The following ADAMTS17 variants were observed in gnomAD, a reference collection of about 807,000 sequenced individuals.
ADAMTS17 encodes A disintegrin and metalloproteinase with thrombospondin motifs 17.
A neutral mutation model predicts 141.5 loss-of-function variants in ADAMTS17; 113 were observed. That is an observed-to-expected ratio of 0.80 (90% CI 0.69 to 0.93). ADAMTS17 has a LOEUF of 0.93. Among genes scored for constraint, ADAMTS17 ranks in the 40% least tolerant of loss-of-function variants. The pLI is 0.00. For synonymous variants in ADAMTS17, 768 were observed against 630.6 expected, an observed-to-expected ratio of 1.22 and a Z score of -3.27; for missense variants, 1,659 against 1,517.9, an observed-to-expected ratio of 1.09 and a Z score of -1.54.
intron 7 of ADAMTS17, among the ~76,000 whole-genome samples, chr15:100,208,733 G>GAT (rs2041676067): frequency 6.7e-6 from 1 of 148,672 alleles, no homozygotes; most frequent in African/African-American, 2.5e-5. Context: ...ATAACAAAGG[G>GAT]ATACACACAT....
chr15:100,243,528 G>A (rs12443312), intron 7 of ADAMTS17, among the ~76,000 whole-genome samples: 59,603 of 152,062 alleles, frequency 0.39, 12,295 homozygotes, highest in South Asian at 0.49. Context: ...CATGGCTCAC[G>A]CCAGTAATCC....
chr15:100,086,479 C>T (rs1443528410), intron 15 of ADAMTS17, among the ~76,000 whole-genome samples: 1 of 152,068 alleles, frequency 6.6e-6, no homozygotes, highest in Non-Finnish European at 1.5e-5. Flanking sequence ...TTGAACTCAG[C>T]TCTGCACCAA....
intron 7 of ADAMTS17, among the ~76,000 whole-genome samples, chr15:100,235,566 C>T (rs754238417): frequency 2.6e-5 from 4 of 152,170 alleles, no homozygotes; most frequent in Non-Finnish European, 4.4e-5. Context: ...GGCATCACCT[C>T]AGAGATTCTG....
intron 5 of ADAMTS17, 116 bp from the exon 6 acceptor site, chr15:100,261,752 T>C: frequency 8.2e-7 from 1 of 1,216,884 alleles, no homozygotes; most frequent in Non-Finnish European, 1.2e-6. Flanking sequence ...CATCATTTGA[T>C]GACTCACGGC....
chr15:100,149,361 G>A (rs2141336025), intron 10 of ADAMTS17, among the ~76,000 whole-genome samples: 1 of 152,354 alleles, frequency 6.6e-6, no homozygotes, highest in East Asian at 1.9e-4. Flanking sequence ...CAGTATGTCA[G>A]TATGTTCAGT....
intron 4 of ADAMTS17, among the ~76,000 whole-genome samples, chr15:100,273,129 T>C (rs2043971027): frequency 6.6e-6 from 1 of 152,166 alleles, no homozygotes; most frequent in South Asian, 2.1e-4. Context: ...TCAATGAATA[T>C]TTGAACTATT....
chr15:100,187,801 C>G (rs994485576), intron 8 of ADAMTS17, among the ~76,000 whole-genome samples: 1 of 152,174 alleles, frequency 6.6e-6, no homozygotes, highest in Non-Finnish European at 1.5e-5. Flanking sequence ...AGCACAGTCG[C>G]TCACATCTCG....
chr15:100,135,645 C>T (rs550369053), intron 10 of ADAMTS17, among the ~76,000 whole-genome samples: 221 of 152,174 alleles, frequency 1.5e-3, no homozygotes, highest in Non-Finnish European at 2.4e-3. Flanking sequence ...ATTTGCAATA[C>T]ATAAGAGATT....
chr15:100,037,099 TAACTC>T (rs2030798679), intron 18 of ADAMTS17, among the ~76,000 whole-genome samples: 2 of 152,226 alleles, frequency 1.3e-5, no homozygotes, highest in African/African-American at 4.8e-5. Context: ...ATTTGAATAA[TAACTC>T]AAGCAGAACT....
chr15:100,266,453 C>T (rs1402564067), intron 4 of ADAMTS17, among the ~76,000 whole-genome samples: 6 of 152,188 alleles, frequency 3.9e-5, no homozygotes, highest in Admixed American at 3.9e-4. Flanking sequence ...ACTCCATTCC[C>T]CCAGGTAAGG....
intron 18 of ADAMTS17, among the ~76,000 whole-genome samples, chr15:100,010,139 T>C (rs1761603966): frequency 6.6e-6 from 1 of 152,238 alleles, no homozygotes; most frequent in Admixed American, 6.5e-5. Flanking sequence ...TGTTCTCTTT[T>C]GGCTTCTGCC....
intron 3 of ADAMTS17, among the ~76,000 whole-genome samples, chr15:100,299,083 C>G (rs142652453): frequency 1.3e-5 from 2 of 152,080 alleles, no homozygotes; most frequent in African/African-American, 4.8e-5. Context: ...ATTAGGGGAC[C>G]CACCTTCATC....
chr15:100,113,869 C>T (rs762251632), intron 13 of ADAMTS17, among the ~76,000 whole-genome samples: 2 of 152,230 alleles, frequency 1.3e-5, no homozygotes, highest in African/African-American at 2.4e-5. Context: ...CGCACAGCCA[C>T]GTCCAGACGC....
At chr15:100,312,352 G>A (rs2045432906) in intron 3 of ADAMTS17, among the ~76,000 whole-genome samples, 1 of 152,188 alleles carries the variant, frequency 6.6e-6, no homozygotes, top group Non-Finnish European at 1.5e-5. Context: ...GCCAAGGAAT[G>A]CAGGCAGCCT....
At chr15:100,017,888 G>C (rs151145668) in intron 18 of ADAMTS17, among the ~76,000 whole-genome samples, 1 of 152,264 alleles carries the variant, frequency 6.6e-6, no homozygotes, top group African/African-American at 2.4e-5. Context: ...ATTTCATTAT[G>C]TGTGTTTTTT....
At chr15:100,083,700 G>C (rs2034898722) in intron 15 of ADAMTS17, among the ~76,000 whole-genome samples, 1 of 150,776 alleles carries the variant, frequency 6.6e-6, no homozygotes, top group Admixed American at 6.6e-5. Context: ...TTTGAGGGCA[G>C]TTGGTGCCTT....
chr15:100,125,349 C>G (rs2037675813), intron 12 of ADAMTS17, among the ~76,000 whole-genome samples: 1 of 152,230 alleles, frequency 6.6e-6, no homozygotes, highest in Admixed American at 6.5e-5. Flanking sequence ...AGATCGCTGG[C>G]ACATGGAAAG....
At chr15:100,027,629 T>C (rs1289745124) in intron 18 of ADAMTS17, among the ~76,000 whole-genome samples, 1 of 152,264 alleles carries the variant, frequency 6.6e-6, no homozygotes, top group Non-Finnish European at 1.5e-5. Context: ...AGACAGAGAC[T>C]ATACAGCTTG....
At chr15:100,057,532 C>T (rs1446788066) in intron 15 of ADAMTS17, among the ~76,000 whole-genome samples, 1 of 152,158 alleles carries the variant, frequency 6.6e-6, no homozygotes, top group Non-Finnish European at 1.5e-5. Flanking sequence ...GAGCTGGGGC[C>T]CCAGGCTCGT....
Sources: allele counts gnomAD v4.1 joint callset (sites outside exome capture counted in the v4.1 genomes callset), GRCh38; gene constraint gnomAD v4.1.1; transcripts MANE v1.5; gene names NCBI Gene and HGNC (gene_info 2026-07-23, HGNC 2026-07-21).